The following ASTN2 variants were observed in gnomAD, a reference collection of about 807,000 sequenced individuals.
The protein encoded by ASTN2 is astrotactin-2.
ASTN2 carries 54 observed loss-of-function variants against 139.8 expected under a neutral mutation model. That is an observed-to-expected ratio of 0.39 (90% confidence interval 0.31 to 0.48). The LOEUF (loss-of-function observed/expected upper bound fraction) is 0.48. ASTN2 is among the 20% of genes least tolerant of loss of function. The pLI is 0.95. For missense variants in ASTN2, 1,565 were observed against 1,725.1 expected (o/e 0.91, Z 1.64); for synonymous variants, 756 against 719.5 (o/e 1.05, Z -0.81).
intron 5 of ASTN2, among the ~76,000 whole-genome samples, chr9:117,075,001 C>G (rs1828241221): frequency 6.6e-6 from 1 of 152,138 alleles, no homozygotes; most frequent in Non-Finnish European, 1.5e-5. Flanking sequence ...TACACCTCAC[C>G]CACTGTCAGG....
intron 20 of ASTN2, among the ~76,000 whole-genome samples, chr9:116,447,909 T>C (rs1848050780): frequency 6.6e-6 from 1 of 152,094 alleles, no homozygotes; most frequent in Admixed American, 6.6e-5. Context: ...GAAAGGAAGC[T>C]GCTATTGGTC....
At chr9:117,098,111 G>A (rs1346775073) in intron 4 of ASTN2, among the ~76,000 whole-genome samples, 3 of 152,150 alleles carry the variant, frequency 2.0e-5, no homozygotes, top group South Asian at 4.1e-4. Flanking sequence ...TGGTCTCTCT[G>A]TAATATACAC....
intron 3 of ASTN2, among the ~76,000 whole-genome samples, chr9:117,186,771 G>T (rs1370517611): frequency 6.6e-6 from 1 of 152,052 alleles, no homozygotes; most frequent in Non-Finnish European, 1.5e-5. Context: ...AGACAGCATG[G>T]GACAAAACAG....
chr9:116,996,208 A>G (rs1477739755), intron 7 of ASTN2, among the ~76,000 whole-genome samples: 3 of 152,206 alleles, frequency 2.0e-5, no homozygotes, highest in Non-Finnish European at 4.4e-5. Context: ...TAATATTCCT[A>G]AATTGAGGAC....
At chr9:117,017,141 G>A (rs1037044583) in intron 6 of ASTN2, among the ~76,000 whole-genome samples, 1 of 151,736 alleles carries the variant, frequency 6.6e-6, no homozygotes, top group Non-Finnish European at 1.5e-5. Context: ...CTAGGCAATG[G>A]GAAAAGAATA....
At chr9:116,709,898 A>G (rs2132093667) in intron 16 of ASTN2, among the ~76,000 whole-genome samples, 1 of 152,310 alleles carries the variant, frequency 6.6e-6, no homozygotes, top group South Asian at 2.1e-4. Context: ...ATAATGGTTT[A>G]TTTTACCTAA....
At chr9:117,401,758 C>T (rs966614835) in intron 1 of ASTN2, among the ~76,000 whole-genome samples, 5 of 152,168 alleles carry the variant, frequency 3.3e-5, no homozygotes, top group Admixed American at 3.3e-4. Context: ...TGTTCCAGTA[C>T]ATTTTTATTT....
intron 2 of ASTN2, among the ~76,000 whole-genome samples, chr9:117,243,635 C>T (rs116053973): frequency 1.3e-5 from 2 of 152,114 alleles, no homozygotes; most frequent in African/African-American, 2.4e-5. Context: ...CGTCACTTGG[C>T]TCGAAGAATT....
chr9:116,579,969 G>A lies in ASTN2; in HGVS notation c.3355+38355C>T, dbSNP rs187050012. Among the ~76,000 whole-genome samples, 20 of 152,162 alleles carry A rather than the reference G, an allele frequency of 1.3e-4. No individual in the cohort carries two copies. The East Asian group carries it at 3.7e-3, about 28-fold the overall frequency. On this transcript the variant is annotated intron_variant, in intron 19 of 22. Transcript: ENST00000313400. ...CCTGAGTAGCTGGGATTACAGGCAC[G>A]TGCCACCACGCCCGGCTAACTTTTG...
At chr9:116,428,573 A>G (rs1000652565) in intron 22 of ASTN2, among the ~76,000 whole-genome samples, 1 of 152,122 alleles carries the variant, frequency 6.6e-6, no homozygotes, top group Non-Finnish European at 1.5e-5. Context: ...AGATGCATAG[A>G]TGTTCTGAGA....
At position 116,432,704 on chromosome 9, in the gene ASTN2, C is replaced by T. The variant is rs147903050; in HGVS notation, c.3783-6616G>A. Among the ~76,000 whole-genome samples, 578 of 152,218 alleles carry T rather than the reference C, an allele frequency of 3.8e-3. 5 individuals are homozygous for T. Among genetic ancestry groups the T allele is most frequent in the African/African-American group, 0.013 (552 of 41,526 alleles). ...CAGCACTTTGGGAGGCTAAGGTGGG[C>T]GGATCACTTGTGGTCGGGAGTTCCA... On this transcript the variant is annotated intron_variant, in intron 22 of 22. Coordinates refer to ENST00000313400, the MANE Select transcript of ASTN2 (RefSeq NM_001365068.1).
intron 19 of ASTN2, among the ~76,000 whole-genome samples, chr9:116,553,780 C>G (rs561479296): frequency 3.3e-4 from 50 of 152,298 alleles, no homozygotes; most frequent in African/African-American, 1.2e-3. Flanking sequence ...TTTTCCCTCT[C>G]TTAGACAGTC....
chr9:116,641,020 C>T (rs531794817), intron 17 of ASTN2, among the ~76,000 whole-genome samples: 1 of 152,186 alleles, frequency 6.6e-6, no homozygotes, highest in East Asian at 1.9e-4. Context: ...TCCTTGGTTT[C>T]AGGATTTTAA....
intron 10 of ASTN2, among the ~76,000 whole-genome samples, chr9:116,904,725 T>C (rs1003308635): frequency 3.3e-5 from 5 of 152,226 alleles, no homozygotes; most frequent in South Asian, 4.1e-4. Flanking sequence ...ATGTCTGTTT[T>C]CTGCAGCAGA....
intron 19 of ASTN2, among the ~76,000 whole-genome samples, chr9:116,550,646 T>G (rs1852302866): frequency 6.6e-6 from 1 of 152,170 alleles, no homozygotes; most frequent in Non-Finnish European, 1.5e-5. Context: ...GCTCTTTTAC[T>G]CGTGAAAGAA....
intron 1 of ASTN2, among the ~76,000 whole-genome samples, chr9:117,365,201 G>GGGAA (rs144764400): frequency 5.1e-4 from 70 of 138,404 alleles, no homozygotes; most frequent in African/African-American, 9.7e-4. Context: ...AAAAAATGAA[G>GGGAA]GGAAGGAAGG....
At chr9:116,683,181 A>C (rs1564203384) in intron 16 of ASTN2, among the ~76,000 whole-genome samples, 1 of 152,064 alleles carries the variant, frequency 6.6e-6, no homozygotes, top group Non-Finnish European at 1.5e-5. Flanking sequence ...AGGCCCTCTT[A>C]AATGCAGGTT....
At chr9:117,224,335 CAGTT>C (rs1021758969) in intron 2 of ASTN2, among the ~76,000 whole-genome samples, 1 of 152,198 alleles carries the variant, frequency 6.6e-6, no homozygotes, top group Non-Finnish European at 1.5e-5. Context: ...GTGTATAACA[CAGTT>C]AGCTAATAGC....
At chr9:116,642,562 G>T (rs1857395939) in intron 17 of ASTN2, among the ~76,000 whole-genome samples, 1 of 151,918 alleles carries the variant, frequency 6.6e-6, no homozygotes, top group Non-Finnish European at 1.5e-5. Context: ...AACTGACACT[G>T]ACCCTCTTAG....
Sources: allele counts gnomAD v4.1 joint callset (sites outside exome capture counted in the v4.1 genomes callset), GRCh38; gene constraint gnomAD v4.1.1; transcripts MANE v1.5; gene names NCBI Gene and HGNC (gene_info 2026-07-23, HGNC 2026-07-21).